Variants in NBEA observed in about 807,000 individuals in gnomAD.
NBEA encodes the protein neurobeachin, also known as lysosomal-trafficking regulator 2.
A neutral mutation model predicts 343.4 loss-of-function variants in NBEA; 44 were observed. That is an observed-to-expected ratio of 0.13 (90% CI 0.10 to 0.16). The LOEUF is 0.16. Ranked by LOEUF, NBEA falls within the 10% of genes least tolerant of loss-of-function variation. NBEA has a pLI of 1.00. For synonymous variants in NBEA, 1,175 were observed against 1,238.7 expected, an observed-to-expected ratio of 0.95 and a Z score of 1.08; for missense variants, 2,555 against 3,631.3, an observed-to-expected ratio of 0.70 and a Z score of 7.62.
At chr13:35,078,997 G>A (rs1321281705) in intron 10 of NBEA, among the ~76,000 whole-genome samples, 1 of 152,100 alleles carries the variant, frequency 6.6e-6, no homozygotes, top group African/African-American at 2.4e-5. Context: ...ACTCCAGCCT[G>A]GCAACAGAGC....
At chr13:35,082,760 G>A (rs1450028091) in intron 10 of NBEA, among the ~76,000 whole-genome samples, 2 of 152,000 alleles carry the variant, frequency 1.3e-5, no homozygotes. Flanking sequence ...CTTTTTGATG[G>A]GGTTGTTTGT....
chr13:35,606,394 G>T, intron 47 of NBEA, 32 bp from the exon 48 acceptor site: 1 of 1,298,206 alleles, frequency 7.7e-7, no homozygotes, highest in Non-Finnish European at 1.0e-6. Flanking sequence ...TTTATAAAGT[G>T]GTTTAATATG....
In NBEA at chr13:35,218,659, A is replaced by T. The variant is rs139290804; in HGVS notation, c.5648+7480A>T. Reference sequence around the variant, plus strand: ...TATTAATTATATATAATTTTCAATAAATGTTATACATCTCTTATATTTGTA... The same window carrying T: ...TATTAATTATATATAATTTTCAATATATGTTATACATCTCTTATATTTGTA... On this transcript the variant is annotated intron_variant, in intron 33 of 58. Transcript: ENST00000379939. Among the ~76,000 whole-genome samples, 1,213 of 152,018 alleles carry T rather than the reference A, an allele frequency of 8.0e-3. 14 individuals are homozygous for T. The highest frequency in any genetic ancestry group is 0.028 in the African/African-American group (1,160 of 41,532).
At position 35,197,800 on chromosome 13, in the gene NBEA, G is replaced by T. The variant is rs527956964; in HGVS notation, c.5366+1498G>T. On this transcript the variant is annotated intron_variant, in intron 31 of 58. Coordinates refer to ENST00000379939, the MANE Select transcript of NBEA (RefSeq NM_001385012.1). ...CAGGCGTGCGCCACCGCACCTGGCC[G>T]AATTACCCTTTTAATACACAATATA... 5.3e-5 allele frequency among the ~76,000 whole-genome samples: 8 copies of T among 152,074 alleles called. No homozygotes were observed. The South Asian group carries it at 8.3e-4, about 16-fold the overall frequency.
At chr13:35,388,292 C>G (rs1462326214) in intron 38 of NBEA, among the ~76,000 whole-genome samples, 1 of 152,002 alleles carries the variant, frequency 6.6e-6, no homozygotes, top group African/African-American at 2.4e-5. Flanking sequence ...TAAAATATGT[C>G]TTGGAAAGCC....
At chr13:35,266,475 G>T (rs988912032) in intron 34 of NBEA, among the ~76,000 whole-genome samples, 1 of 151,716 alleles carries the variant, frequency 6.6e-6, no homozygotes, top group Non-Finnish European at 1.5e-5. Flanking sequence ...AAGAAAATAC[G>T]CTATATATAC....
intron 44 of NBEA, among the ~76,000 whole-genome samples, chr13:35,565,141 T>C (rs1343702751): frequency 6.6e-6 from 1 of 152,148 alleles, no homozygotes; most frequent in Non-Finnish European, 1.5e-5. Context: ...TCCCAGTAAA[T>C]GCAAAGTGGA....
intron 36 of NBEA, among the ~76,000 whole-genome samples, chr13:35,327,351 C>CA (rs1194680643): frequency 6.6e-6 from 1 of 152,042 alleles, no homozygotes; most frequent in Non-Finnish European, 1.5e-5. Context: ...GCACTATTCA[C>CA]AATGGCAAAG....
chr13:35,630,024 G>C (rs2083385081), intron 49 of NBEA, among the ~76,000 whole-genome samples: 1 of 150,806 alleles, frequency 6.6e-6, no homozygotes, highest in Non-Finnish European at 1.5e-5. Context: ...AATCCTGTTG[G>C]GCAAAACAAA....
chr13:35,299,380 G>A (rs2036381306), intron 35 of NBEA, among the ~76,000 whole-genome samples: 2 of 152,148 alleles, frequency 1.3e-5, no homozygotes, highest in Non-Finnish European at 2.9e-5. Flanking sequence ...AAACTGATGG[G>A]AAGCATTATA....
chr13:35,435,255 C>T (rs964190536), intron 39 of NBEA, among the ~76,000 whole-genome samples: 1 of 152,030 alleles, frequency 6.6e-6, no homozygotes, highest in Admixed American at 6.6e-5. Flanking sequence ...TCAGGTGATC[C>T]ACCCACCTCG....
intron 47 of NBEA, among the ~76,000 whole-genome samples, chr13:35,602,364 C>T (rs1259229281): frequency 6.6e-6 from 1 of 152,160 alleles, no homozygotes; most frequent in African/African-American, 2.4e-5. Flanking sequence ...CTCACCTCTG[C>T]TGCTTCAGCT....
chr13:35,054,116 G>A (rs1347675683), intron 6 of NBEA, among the ~76,000 whole-genome samples: 1 of 151,714 alleles, frequency 6.6e-6, no homozygotes, highest in African/African-American at 2.4e-5. Context: ...ACTGTCTTTG[G>A]GCAGGAAATC....
chr13:34,965,476 G>T (rs1593301707), intron 1 of NBEA, among the ~76,000 whole-genome samples: 1 of 151,960 alleles, frequency 6.6e-6, no homozygotes, highest in South Asian at 2.1e-4. Context: ...AGATTGGCTC[G>T]AAAGGGTCAG....
Position 35,045,060 on chromosome 13 carries a change from C to A in NBEA, c.627+13C>A. 2 of 1,593,654 alleles carry A rather than the reference C, an allele frequency of 1.3e-6. No homozygotes were observed. The highest frequency in any genetic ancestry group is 2.3e-5 in the South Asian group (2 of 88,200). ...AAGTGGAATCTGGGTAAGCTGTGGT[C>A]GGAGGGAAAGGTATTCAGTATCAGT... On this transcript the variant is annotated intron_variant, in intron 3 of 58. Coordinates refer to ENST00000379939, the MANE Select transcript of NBEA (RefSeq NM_001385012.1).
At chr13:35,242,084 G>A (rs553734619) in intron 34 of NBEA, among the ~76,000 whole-genome samples, 10 of 151,896 alleles carry the variant, frequency 6.6e-5, no homozygotes, top group Middle Eastern at 3.4e-3. Context: ...AAGAAATGTC[G>A]GCCTCTGACT....
At position 34,985,004 on chromosome 13, in the gene NBEA, T is replaced by C. The variant is rs916005372; in HGVS notation, c.294+41890T>C. Among the ~76,000 whole-genome samples the C allele has an allele frequency of 2.6e-5, 4 of 151,122 alleles. 1 individual carries two copies. Among genetic ancestry groups the C allele is most frequent in the Non-Finnish European group, 5.9e-5 (4 of 67,526 alleles). On this transcript the variant is annotated intron_variant, in intron 1 of 58. Coordinates refer to ENST00000379939, the MANE Select transcript of NBEA (RefSeq NM_001385012.1). Reference sequence around the variant, plus strand: ...TGCAAACAGGGACAATTTGACTTCTTCTTTTCCTAATTGAATATGCTTTAT... The same window carrying C: ...TGCAAACAGGGACAATTTGACTTCTCCTTTTCCTAATTGAATATGCTTTAT...
At chr13:35,515,452 A>C (rs1362578769) in intron 41 of NBEA, among the ~76,000 whole-genome samples, 1 of 152,226 alleles carries the variant, frequency 6.6e-6, no homozygotes, top group African/African-American at 2.4e-5. Context: ...AATCACAGCA[A>C]AAATTCAGCA....
intron 18 of NBEA, among the ~76,000 whole-genome samples, chr13:35,151,543 CAAAAA>C (rs35047334): frequency 1.1e-5 from 1 of 94,226 alleles, no homozygotes. Flanking sequence ...AACTCTGTCT[CAAAAA>C]AAAAAAAAAA....
Sources: allele counts gnomAD v4.1 joint callset (sites outside exome capture counted in the v4.1 genomes callset), GRCh38; gene constraint gnomAD v4.1.1; transcripts MANE v1.5; gene names NCBI Gene and HGNC (gene_info 2026-07-23, HGNC 2026-07-21).